RIF1: variants seen among roughly 807,000 people sequenced by gnomAD.
RIF1 encodes the protein telomere-associated protein RIF1.
A neutral mutation model predicts 247.1 loss-of-function variants in RIF1; 45 were observed. That is an observed-to-expected ratio of 0.18 (90% confidence interval 0.14 to 0.23). The LOEUF (loss-of-function observed/expected upper bound fraction) is 0.23. RIF1 is among the 10% of genes least tolerant of loss of function. RIF1 has a pLI of 1.00. For missense variants in RIF1, 2,967 were observed against 2,862.5 expected, an observed-to-expected ratio of 1.04 and a Z score of -0.83; for synonymous variants, 1,087 against 978.8, an observed-to-expected ratio of 1.11 and a Z score of -2.06.
chr2:151,411,315 C>A lies in RIF1; in HGVS notation c.160C>A (p.Pro54Thr), dbSNP rs147741381. Residue 54 changes from proline (P) to threonine (T), a missense_variant, in exon 3 of 36, where the codon CCT becomes ACT. By Grantham distance (38) the Pro-to-Thr change is conservative (BLOSUM62 -1). Coordinates refer to ENST00000444746, the MANE Select transcript of RIF1 (RefSeq NM_018151.5). ...AATTACAGAAATTGAGAAAAAACTT[C>A]CTCGGCTGTACAAAGTTTTAAAGGT... is the stretch of plus-strand genomic sequence containing the variant. ...EVITEIEKKL[P>T]RLYKVLKTHI... The A allele has an allele frequency of 1.1e-5, 17 of 1,598,916 alleles. No individual in the cohort carries two copies. The highest frequency in any genetic ancestry group is 1.5e-5 in the Non-Finnish European group (17 of 1,169,484).
At chr2:151,495,081 G>C (rs550325427) in intron 9 of RIF1, 1 of 152,336 alleles carries the variant, frequency 6.6e-6, no homozygotes, top group Non-Finnish European at 1.5e-5. Flanking sequence ...TCTATGCTCT[G>C]CCTCTTGCTT....
chr2:151,505,671 T>C, intron 12 of RIF1: 8 of 967,318 alleles, frequency 8.3e-6, no homozygotes, highest in Non-Finnish European at 1.3e-5. Context: ...TTAAAAAAAT[T>C]AACAGTGTAA....
chr2:151,410,860 C>T (rs1031624359), intron 2 of RIF1, among the ~76,000 whole-genome samples: 2 of 91,084 alleles, frequency 2.2e-5, no homozygotes, highest in Admixed American at 2.5e-4. Context: ...AATGTGGCTA[C>T]CCAGAGTTTT....
chr2:151,439,786 C>A (rs1427239078), intron 14 of RIF1, among the ~76,000 whole-genome samples: 2 of 150,616 alleles, frequency 1.3e-5, no homozygotes, highest in Middle Eastern at 3.5e-3. Context: ...GAGTTTGATA[C>A]CAGCCTAGCA....
At chr2:151,456,491 T>C (rs1422726645) in intron 22 of RIF1, 87 bp from the exon 23 acceptor site, 1 of 733,474 alleles carries the variant, frequency 1.4e-6, no homozygotes. Context: ...ATTATGTCTT[T>C]ATTACCTTTT....
chr2:151,475,271 T>C lies in RIF1; in HGVS notation c.*200T>C, dbSNP rs1245689957. Reference sequence around the variant, plus strand: ...TGTAAGATCCTTTTTTTTTTCATAATATGTATTCTTGGCTGCTATGCGTGG... The same window carrying C: ...TGTAAGATCCTTTTTTTTTTCATAACATGTATTCTTGGCTGCTATGCGTGG... On this transcript the variant is annotated 3_prime_UTR_variant, in exon 36 of 36. Coordinates refer to ENST00000444746, the MANE Select transcript of RIF1 (RefSeq NM_018151.5). The C allele has an allele frequency of 1.8e-6, 1 of 543,902 alleles. No homozygotes were observed. The highest frequency in any genetic ancestry group is 3.2e-6 in the Non-Finnish European group (1 of 309,702). 33.7% of individuals were successfully genotyped at this position (543,902 alleles called of 1,614,324 possible). A position where few individuals can be genotyped will look rare whatever the true frequency, so the allele number is the denominator to read the frequency against.
rs193176875 is a variant in RIF1 at position 151,500,184 on chromosome 2, T to C, written c.*709+644T>C. On this transcript the variant is annotated intron_variant and NMD_transcript_variant, in intron 11 of 13. Transcript: ENST00000454583. ...ACAAAATTGAAGGATTGTTAGTGAA[T>C]AGTAATTAAAAAACAAAACAGAACA... 3.6e-3 allele frequency among the ~76,000 whole-genome samples: 541 copies of C among 152,244 alleles called. 2 individuals carry two copies. The highest frequency in any genetic ancestry group is 6.1e-3 in the Non-Finnish European group (413 of 68,008).
chr2:151,461,079 A>G (rs1696083673), intron 26 of RIF1, 59 bp from the exon 27 acceptor site: 1 of 1,482,406 alleles, frequency 6.7e-7, no homozygotes, highest in Non-Finnish European at 9.3e-7. Context: ...AGTGATAGAA[A>G]TATTGGAAAA....
chr2:151,410,631 T>C, intron 2 of RIF1, 104 bp downstream of exon 2: 1 of 949,520 alleles, frequency 1.1e-6, no homozygotes, highest in Admixed American at 2.3e-5. Flanking sequence ...TCTAGAAGTC[T>C]AGCAAATGTG....
chr2:151,448,130 T>C (rs1693640677), intron 20 of RIF1, among the ~76,000 whole-genome samples: 1 of 152,010 alleles, frequency 6.6e-6, no homozygotes, highest in African/African-American at 2.4e-5. Flanking sequence ...ATGGGCTCAC[T>C]ATGACCTCTG....
chr2:151,443,189 A>G, intron 16 of RIF1, 70 bp from the exon 17 acceptor site: 2 of 977,314 alleles, frequency 2.0e-6, no homozygotes, highest in African/African-American at 3.3e-5. Context: ...TATTTCTTAA[A>G]TAACCAATTA....
rs148589314 is a variant in RIF1, at chr2:151,495,950, C to T, written c.*513+624C>T. Among the ~76,000 whole-genome samples the T allele has an allele frequency of 6.8e-4, 103 of 152,290 alleles. 1 individual carries two copies. Among genetic ancestry groups the T allele is most frequent in the African/African-American group, 2.4e-3 (101 of 41,556 alleles). On this transcript the variant is annotated intron_variant and NMD_transcript_variant, in intron 10 of 13. Coordinates refer to the RIF1 transcript ENST00000454583. ...GCATTGGACCTACTCCACCACCCCA[C>T]ACGTACCCGTCCTAAATTTCAAGCA...
In RIF1 at chr2:151,452,909, C is replaced by A. The variant is rs572304091; in HGVS notation, c.2344+1204C>A. On this transcript the variant is annotated intron_variant, in intron 21 of 35. Coordinates refer to ENST00000444746, the MANE Select transcript of RIF1 (RefSeq NM_018151.5). ...ATGTCTTTTCCACTCCGTGTCCATG[C>A]AAAACAGAGCCAGAGTTCTCTTGCT... Among the ~76,000 whole-genome samples, 17 of 152,244 alleles carry A rather than the reference C, an allele frequency of 1.1e-4. 1 individual carries two copies. The highest frequency in any genetic ancestry group is 7.2e-4 in the Admixed American group (11 of 15,278).
At chr2:151,485,357 T>TATGAGTTGCAGA (rs1384893217), downstream of RIF1, 2 of 155,642 alleles carry the variant, frequency 1.3e-5, no homozygotes, top group East Asian at 3.8e-4. Context: ...TTAGAGGTTT[T>TATGAGTTGCAGA]ATTAGTTGCT....
intron 11 of RIF1, chr2:151,501,536 T>TTA: frequency 2.8e-6 from 3 of 1,069,250 alleles, no homozygotes; most frequent in Non-Finnish European, 3.8e-6. Flanking sequence ...ATTTTTTAGG[T>TTA]AGACTTAACC....
chr2:151,526,644 C>A, the RIF1 span, among the ~76,000 whole-genome samples: 1 of 152,152 alleles, frequency 6.6e-6, no homozygotes, highest in Non-Finnish European at 1.5e-5. Flanking sequence ...CATAAAGAGT[C>A]CAGCCAGGCC....
At chr2:151,451,341 A>G (rs1203826611) in intron 20 of RIF1, among the ~76,000 whole-genome samples, 1 of 152,148 alleles carries the variant, frequency 6.6e-6, no homozygotes, top group Non-Finnish European at 1.5e-5. Flanking sequence ...GGAACAACAG[A>G]CTATATAGGT....
Position 151,439,108 on chromosome 2 carries a change from G to T in RIF1, c.1546+362G>T, listed in dbSNP as rs140533630. Among the ~76,000 whole-genome samples the T allele has an allele frequency of 1.0e-2, 1,516 of 152,268 alleles. 18 individuals carry two copies. Among genetic ancestry groups the T allele is most frequent in the Middle Eastern group, 0.051 (15 of 294 alleles). On this transcript the variant is annotated intron_variant, in intron 14 of 35. Transcript: ENST00000444746. ...AACAATATTAGTAAATTAGAGAAAA[G>T]AATGTTAGGAAAATCATAAGAGAAA... is the stretch of plus-strand genomic sequence containing the variant.
Position 151,457,964 on chromosome 2 carries a change from G to C in RIF1, c.2855+1G>C. 1 of 1,610,050 alleles carries C rather than the reference G, an allele frequency of 6.2e-7. No individual in the cohort carries two copies. Among genetic ancestry groups the C allele is most frequent in the African/African-American group, 1.3e-5 (1 of 74,936 alleles). On this transcript the variant is annotated splice_donor_variant, in intron 24 of 35. Transcript: ENST00000444746. LOFTEE classifies it high-confidence loss of function. ...TGTTGGTTTATCCTGAAGAGTTAAA[G>C]TATGCTAACAACAAAACTTATATAC...
Sources: gnomAD v4.1 joint callset for allele counts (sites outside exome capture counted in the v4.1 genomes callset) on GRCh38, gnomAD v4.1.1 for gene constraint, MANE v1.5 for transcripts, NCBI Gene and HGNC (gene_info 2026-07-23, HGNC 2026-07-21) for gene names.